UNC5C: variants seen among roughly 807,000 people sequenced by gnomAD.
UNC5C encodes netrin receptor UNC5C.
In UNC5C, 47 loss-of-function variants were observed where a neutral mutation model predicts 99.8. The ratio of observed to expected loss-of-function variants is 0.47; its 90% CI spans 0.37 to 0.60. The LOEUF is 0.60. UNC5C is among the 20% of genes least tolerant of loss of function. The pLI is 0.00. For synonymous variants in UNC5C, 487 were observed against 452.2 expected, an observed-to-expected ratio of 1.08 and a Z score of -0.98; for missense variants, 1,062 against 1,165.9, an observed-to-expected ratio of 0.91 and a Z score of 1.30.
intron 7 of UNC5C, among the ~76,000 whole-genome samples, chr4:95,228,108 A>G (rs1023706389): frequency 6.6e-6 from 1 of 152,232 alleles, no homozygotes; most frequent in Non-Finnish European, 1.5e-5. Flanking sequence ...GTACACAGCC[A>G]AGACCCAGTA....
chr4:95,483,004 T>TATAATAATAATA (rs71970821), intron 1 of UNC5C, among the ~76,000 whole-genome samples: 2 of 103,452 alleles, frequency 1.9e-5, no homozygotes, highest in Non-Finnish European at 4.9e-5. Context: ...AAACTTAAAG[T>TATAATAATAATA]ATAATAATAA....
chr4:95,450,816 T>A (rs1477006321), intron 1 of UNC5C, among the ~76,000 whole-genome samples: 2 of 152,184 alleles, frequency 1.3e-5, no homozygotes, highest in East Asian at 3.9e-4. Context: ...ATGTCTTAAA[T>A]CATTCAAGAA....
intron 1 of UNC5C, among the ~76,000 whole-genome samples, chr4:95,427,592 G>C (rs2149458994): frequency 6.6e-6 from 1 of 152,194 alleles, no homozygotes; most frequent in Non-Finnish European, 1.5e-5. Context: ...ACTTGCTAAA[G>C]AACATCTTTC....
chr4:95,398,062 T>TG (rs1745574688), intron 1 of UNC5C, among the ~76,000 whole-genome samples: 1 of 150,344 alleles, frequency 6.7e-6, no homozygotes, highest in African/African-American at 2.5e-5. Flanking sequence ...TTTTTTTTTT[T>TG]TGCTTATGTA....
At position 95,473,897 on chromosome 4, in the gene UNC5C, A is replaced by G. The variant is rs144480056; in HGVS notation, c.124+74837T>C. The stretch of plus-strand genomic sequence containing the variant: ...AGTGTTTGTTAGGATAATAGTTTCC[A>G]CCTGATTTCAAGGTCCAAATCCCTG... On this transcript the variant is annotated intron_variant, in intron 1 of 15. Transcript: ENST00000453304. 1.6e-3 allele frequency among the ~76,000 whole-genome samples: 243 copies of G among 152,166 alleles called. 3 individuals carry two copies. In the East Asian group the frequency reaches 0.023, roughly 15 times the overall value.
At chr4:95,250,809 TC>T in intron 4 of UNC5C, 142 bp from the exon 5 acceptor site, 2 of 852,856 alleles carry the variant, frequency 2.3e-6, no homozygotes, top group Non-Finnish European at 3.6e-6. Context: ...ACAATGTTGT[TC>T]CAGGCCATGA....
At chr4:95,473,056 C>T (rs149248688) in intron 1 of UNC5C, among the ~76,000 whole-genome samples, 51 of 152,176 alleles carry the variant, frequency 3.4e-4, no homozygotes, top group African/African-American at 1.2e-3. Context: ...TTGCTCCCAA[C>T]AGTACAGGGC....
At chr4:95,514,416 T>C (rs771021312) in intron 1 of UNC5C, among the ~76,000 whole-genome samples, 7 of 151,980 alleles carry the variant, frequency 4.6e-5, no homozygotes, top group Non-Finnish European at 8.8e-5. Context: ...TATAGTTCTA[T>C]TGGCCTTAAT....
At chr4:95,263,047 TCA>T (rs1482789399) in intron 4 of UNC5C, among the ~76,000 whole-genome samples, 1 of 152,122 alleles carries the variant, frequency 6.6e-6, no homozygotes, top group East Asian at 1.9e-4. Context: ...ACTCCTGACC[TCA>T]GTTGATCCAC....
chr4:95,323,653 C>A (rs1742780582), intron 2 of UNC5C, among the ~76,000 whole-genome samples: 1 of 152,186 alleles, frequency 6.6e-6, no homozygotes, highest in Admixed American at 6.5e-5. Flanking sequence ...GTGTGAGCAG[C>A]ATTTCCTAAA....
chr4:95,308,751 CAAAAAAAAAAAAAAAA>C (rs59626139), intron 2 of UNC5C, among the ~76,000 whole-genome samples: 9 of 34,396 alleles, frequency 2.6e-4, no homozygotes, highest in African/African-American at 5.7e-4. Context: ...GACTCTGTCT[CAAAAAAAAAAAAAAAA>C]AAAAAAAAAA....
chr4:95,537,576 C>A (rs753608229), intron 1 of UNC5C, among the ~76,000 whole-genome samples: 1 of 151,924 alleles, frequency 6.6e-6, no homozygotes, highest in African/African-American at 2.4e-5. Flanking sequence ...TGTAAATTTG[C>A]GGTAAAACTT....
At chr4:95,287,435 T>C (rs1363519902) in intron 3 of UNC5C, among the ~76,000 whole-genome samples, 1 of 152,218 alleles carries the variant, frequency 6.6e-6, no homozygotes, top group Non-Finnish European at 1.5e-5. Context: ...GGAACCAATG[T>C]TGTCATTTCT....
intron 2 of UNC5C, among the ~76,000 whole-genome samples, chr4:95,326,040 T>C (rs554247597): frequency 1.3e-5 from 2 of 152,256 alleles, no homozygotes; most frequent in South Asian, 4.2e-4. Context: ...TCTGGGTTCA[T>C]ATCCTGGCTG....
In UNC5C at chr4:95,481,348, C is replaced by T. The variant is rs191337692; in HGVS notation, c.124+67386G>A. Among the ~76,000 whole-genome samples the T allele has an allele frequency of 3.7e-3, 556 of 151,288 alleles. 4 individuals are homozygous for T. Among genetic ancestry groups the T allele is most frequent in the East Asian group, 0.022 (113 of 5,118 alleles). ...AGGAGAACTACAAACCACTGCTCAA[C>T]GAAATAAAAGAGGATACAAACAAAT... is the stretch of plus-strand genomic sequence containing the variant. On this transcript the variant is annotated intron_variant, in intron 1 of 15. Transcript: ENST00000453304.
intron 4 of UNC5C, among the ~76,000 whole-genome samples, 160 bp from the exon 5 acceptor site, chr4:95,250,827 G>C (rs1161494419): frequency 6.6e-6 from 1 of 152,126 alleles, no homozygotes; most frequent in Non-Finnish European, 1.5e-5. Flanking sequence ...ATGAACTTCT[G>C]CAAACTGGTG....
chr4:95,331,633 C>T (rs1222272136), intron 2 of UNC5C, among the ~76,000 whole-genome samples: 4 of 152,088 alleles, frequency 2.6e-5, no homozygotes, highest in Non-Finnish European at 5.9e-5. Context: ...TCTCATCTAT[C>T]TCTCCTGAAT....
chr4:95,313,746 T>C (rs1742364253), intron 2 of UNC5C, among the ~76,000 whole-genome samples: 1 of 152,216 alleles, frequency 6.6e-6, no homozygotes, highest in African/African-American at 2.4e-5. Context: ...AATGCAACTT[T>C]AAAAAGCATA....
intron 1 of UNC5C, among the ~76,000 whole-genome samples, chr4:95,531,278 C>G (rs1475830586): frequency 2.6e-5 from 4 of 152,148 alleles, no homozygotes; most frequent in Non-Finnish European, 4.4e-5. Context: ...TCTGGCATTC[C>G]ATTATGGGCA....
Sources: gnomAD v4.1 joint callset for allele counts (sites outside exome capture counted in the v4.1 genomes callset) on GRCh38, gnomAD v4.1.1 for gene constraint, MANE v1.5 for transcripts, NCBI Gene and HGNC (gene_info 2026-07-23, HGNC 2026-07-21) for gene names.